SHQ1: variants seen among roughly 807,000 people sequenced by gnomAD.
SHQ1 encodes the protein SHQ1, H/ACA ribonucleoprotein assembly factor.
A neutral mutation model predicts 53.8 loss-of-function variants in SHQ1; 49 were observed. That is an observed-to-expected ratio of 0.91 (90% CI 0.72 to 1.16). SHQ1 has a LOEUF of 1.16. Among genes scored for constraint, SHQ1 ranks in the 50% most tolerant of loss-of-function variants. The probability of loss-of-function intolerance (pLI) is 0.00; values close to 1 mark genes in which losing one functional copy is unlikely to be tolerated. For synonymous variants in SHQ1, 243 were observed against 251.0 expected (o/e 0.97, Z 0.30); for missense variants, 738 against 683.1 (o/e 1.08, Z -0.90).
intron 5 of SHQ1, among the ~76,000 whole-genome samples, chr3:72,827,086 T>A (rs9820293): frequency 0.32 from 49,061 of 151,756 alleles, 9,718 homozygotes; most frequent in African/African-American, 0.56. Context: ...AACCCTCAGG[T>A]TGTAGGGAAT....
Position 72,848,270 on chromosome 3 carries a change from G to T in SHQ1, c.71C>A (p.Ala24Asp), listed in dbSNP as rs375722695. 1 of 1,614,116 alleles carries T rather than the reference G, an allele frequency of 6.2e-7. No homozygotes were observed. Among genetic ancestry groups the T allele is most frequent in the Non-Finnish European group, 8.5e-7 (1 of 1,180,056 alleles). The change falls in exon 1 of 11, where the codon GCC (alanine) becomes GAC (aspartate). Residue 24 changes from alanine to aspartate, a missense_variant. By Grantham distance (126) the Ala-to-Asp change is moderately radical. Coordinates refer to ENST00000325599, the MANE Select transcript of SHQ1 (RefSeq NM_018130.3). ...FLTIAIRVPY[A>D]RVSEFDVYFE... Reference sequence around the variant, plus strand: ...GTAGACGTCGAACTCGGAGACCCGGGCGTAGGGCACGCGGATGGCGATAGT... The same window carrying T: ...GTAGACGTCGAACTCGGAGACCCGGTCGTAGGGCACGCGGATGGCGATAGT...
At chr3:72,768,393 T>C (rs1325029338) in intron 10 of SHQ1, among the ~76,000 whole-genome samples, 1 of 151,966 alleles carries the variant, frequency 6.6e-6, no homozygotes, top group Non-Finnish European at 1.5e-5. Flanking sequence ...AATAAATAAA[T>C]AAACAAAACA....
the SHQ1 span, among the ~76,000 whole-genome samples, chr3:72,743,022 G>C: frequency 6.6e-6 from 1 of 152,166 alleles, no homozygotes; most frequent in Non-Finnish European, 1.5e-5. Context: ...GGCATTAACA[G>C]GCTTTTATGA....
chr3:72,839,853 C>T (rs1318995303), intron 4 of SHQ1, among the ~76,000 whole-genome samples: 2 of 152,066 alleles, frequency 1.3e-5, no homozygotes, highest in South Asian at 2.1e-4. Flanking sequence ...CTCTGCTTCC[C>T]GGGTTCAAGG....
chr3:72,787,372 C>T (rs948445584), intron 10 of SHQ1, among the ~76,000 whole-genome samples: 5 of 152,108 alleles, frequency 3.3e-5, no homozygotes, highest in Admixed American at 1.3e-4. Flanking sequence ...CACATTTGTA[C>T]TGATAAGAGT....
chr3:72,798,770 A>G (rs1706702273), intron 9 of SHQ1, among the ~76,000 whole-genome samples: 1 of 152,240 alleles, frequency 6.6e-6, no homozygotes, highest in Non-Finnish European at 1.5e-5. Flanking sequence ...TTCCATCTCT[A>G]GGAGATGATC....
At chr3:72,783,602 G>C (rs1706138225) in intron 10 of SHQ1, among the ~76,000 whole-genome samples, 1 of 152,096 alleles carries the variant, frequency 6.6e-6, no homozygotes, top group Non-Finnish European at 1.5e-5. Flanking sequence ...GCATGAGCCA[G>C]CATGCCCAGC....
the SHQ1 span, among the ~76,000 whole-genome samples, chr3:72,736,503 A>C: frequency 6.6e-6 from 1 of 151,696 alleles, no homozygotes; most frequent in Admixed American, 6.6e-5. Context: ...AAAAATCCTC[A>C]GTTTGGGCTG....
intron 1 of SHQ1, among the ~76,000 whole-genome samples, chr3:72,846,534 G>C (rs112065488): frequency 6.6e-6 from 1 of 152,106 alleles, no homozygotes; most frequent in Non-Finnish European, 1.5e-5. Context: ...CTGACCTCAA[G>C]TGATCTGCCC....
At chr3:72,773,696 A>C (rs553198401) in intron 10 of SHQ1, among the ~76,000 whole-genome samples, 2 of 152,166 alleles carry the variant, frequency 1.3e-5, no homozygotes, top group Non-Finnish European at 2.9e-5. Context: ...AGAGGGATTT[A>C]TATGAAAGGG....
the SHQ1 span, among the ~76,000 whole-genome samples, chr3:72,739,254 A>C: frequency 6.6e-6 from 1 of 151,986 alleles, no homozygotes; most frequent in Non-Finnish European, 1.5e-5. Context: ...CAACGTGGCA[A>C]CGCCCCTCCC....
At chr3:72,804,945 T>C (rs575761265) in intron 9 of SHQ1, among the ~76,000 whole-genome samples, 21 of 152,364 alleles carry the variant, frequency 1.4e-4, no homozygotes, top group Non-Finnish European at 1.2e-4. Flanking sequence ...AAATGCGTCA[T>C]TAGGTAATTC....
At chr3:72,802,063 T>C (rs896368473) in intron 9 of SHQ1, among the ~76,000 whole-genome samples, 7 of 152,144 alleles carry the variant, frequency 4.6e-5, no homozygotes, top group African/African-American at 1.7e-4. Context: ...AGGGATAAAT[T>C]GGAAGAAAAA....
At chr3:72,732,154 T>G in the SHQ1 span, among the ~76,000 whole-genome samples, 1 of 151,484 alleles carries the variant, frequency 6.6e-6, no homozygotes, top group African/African-American at 2.4e-5. Flanking sequence ...CACTGCATCA[T>G]CTCTCCAATT....
At position 72,750,840 on chromosome 3, in the gene SHQ1, G is replaced by C; in HGVS notation, c.1182-4C>G. The C allele has an allele frequency of 6.7e-7, 1 of 1,500,758 alleles. No individual in the cohort carries two copies. Among genetic ancestry groups the C allele is most frequent in the South Asian group, 1.3e-5 (1 of 77,184 alleles). 93.0% of individuals were successfully genotyped at this position (1,500,758 alleles called of 1,614,324 possible). A position where few individuals can be genotyped will look rare whatever the true frequency, so the allele number is the denominator to read the frequency against. On this transcript the variant is annotated splice_polypyrimidine_tract_variant and splice_region_variant and intron_variant, in intron 10 of 10. Coordinates refer to ENST00000325599, the MANE Select transcript of SHQ1 (RefSeq NM_018130.3). ...AAGAGCTGCCAACTTTTTGGATCTT[G>C]AAAACATTTTAAAAAGAAAGATTAG...
At chr3:72,806,981 A>G (rs983213158) in intron 9 of SHQ1, among the ~76,000 whole-genome samples, 4 of 152,164 alleles carry the variant, frequency 2.6e-5, no homozygotes, top group Non-Finnish European at 4.4e-5. Flanking sequence ...CCACACATCT[A>G]AATTATTTTT....
Position 72,750,459 on chromosome 3 carries a change from G to T in SHQ1, c.1559C>A (p.Ala520Asp), listed in dbSNP as rs370348133. The change falls in exon 11 of 11, where the codon GCC (alanine) becomes GAC (aspartate). Residue 520 changes from alanine to aspartate, a missense_variant. Transcript: ENST00000325599. ...RRNTAIQESD[A>D]SQGKPLASSW... ...AGAGGCAAGTGGCTTTCCCTGACTG[G>T]CATCAGACTCCTGGATGGCTGTGTT... 6.2e-7 allele frequency: 1 copy of T among 1,614,020 alleles called. No individual in the cohort carries two copies. Among genetic ancestry groups the T allele is most frequent in the Non-Finnish European group, 8.5e-7 (1 of 1,180,044 alleles).
chr3:72,834,863 T>C (rs1707940769), intron 4 of SHQ1, among the ~76,000 whole-genome samples: 1 of 152,172 alleles, frequency 6.6e-6, no homozygotes, highest in Non-Finnish European at 1.5e-5. Context: ...CACTAGGTAT[T>C]AGTTTCCTCT....
At chr3:72,827,289 A>T (rs1707690113) in intron 5 of SHQ1, among the ~76,000 whole-genome samples, 1 of 152,130 alleles carries the variant, frequency 6.6e-6, no homozygotes, top group Admixed American at 6.5e-5. Flanking sequence ...GTAGGTGGAC[A>T]TACAAGTCTG....
Sources: gnomAD v4.1 joint callset for allele counts (sites outside exome capture counted in the v4.1 genomes callset) on GRCh38, gnomAD v4.1.1 for gene constraint, MANE v1.5 for transcripts, NCBI Gene and HGNC (gene_info 2026-07-23, HGNC 2026-07-21) for gene names.